Variants in BCL2A1 observed in about 807,000 individuals in gnomAD.
The protein encoded by BCL2A1 is BCL2 related protein A1.
Under a neutral mutation model 14.4 loss-of-function variants are expected in BCL2A1, and 10 were observed. The observed-to-expected ratio is 0.69, with a 90% CI of 0.43 to 1.18. The LOEUF is 1.18. BCL2A1 is among the 50% of genes most tolerant of loss of function. The pLI is 0.00. For missense variants in BCL2A1, 158 were observed against 205.0 expected (o/e 0.77, Z 1.40); for synonymous variants, 71 against 76.5 (o/e 0.93, Z 0.38).
chr15:79,967,315 C>G (rs555410477), intron 1 of BCL2A1, among the ~76,000 whole-genome samples: 1 of 147,142 alleles, frequency 6.8e-6, no homozygotes, highest in Admixed American at 7.0e-5. Flanking sequence ...CTCCCAGGTT[C>G]AAGTGATTCT....
chr15:79,968,417 G>C (rs1214573189), intron 1 of BCL2A1, among the ~76,000 whole-genome samples: 2 of 152,182 alleles, frequency 1.3e-5, no homozygotes, highest in Non-Finnish European at 2.9e-5. Flanking sequence ...GATTCGCCCA[G>C]CCTCAGTCAG....
rs147879852 is a variant in BCL2A1 at position 79,970,709 on chromosome 15, G to A, written c.411C>T (p.Asn137=). The A allele has an allele frequency of 2.9e-4, 469 of 1,599,756 alleles. No individual in the cohort carries two copies. The highest frequency in any genetic ancestry group is 5.0e-4 in the Middle Eastern group (3 of 6,036). The part of the protein sequence containing the change: ...MNNTGEWIRQ[N]GGWENGFVKK... Reference sequence around the variant, plus strand: ...TTTCCATCACACATACCCAGCCTCCGTTTTGCCTTATCCATTCTCCTGTGT... The same window carrying A: ...TTTCCATCACACATACCCAGCCTCCATTTTGCCTTATCCATTCTCCTGTGT... The change falls in exon 1 of 2, where the codon AAC becomes AAT. Residue 137 remains asparagine (N), a synonymous_variant. Coordinates refer to ENST00000267953, the MANE Select transcript of BCL2A1 (RefSeq NM_004049.4).
chr15:79,963,277 C>A (rs928689361), intron 1 of BCL2A1, among the ~76,000 whole-genome samples: 1 of 152,024 alleles, frequency 6.6e-6, no homozygotes, highest in East Asian at 1.9e-4. Context: ...CATGAGCCAC[C>A]GTGCCTAGCC....
intron 1 of BCL2A1, among the ~76,000 whole-genome samples, 162 bp from the exon 2 acceptor site, chr15:79,961,336 T>A (rs1487716040): frequency 6.6e-6 from 1 of 152,238 alleles, no homozygotes; most frequent in Non-Finnish European, 1.5e-5. Context: ...GTGACCTACG[T>A]CTGTAATTTA....
intron 1 of BCL2A1, among the ~76,000 whole-genome samples, chr15:79,965,503 T>G (rs1412170078): frequency 6.6e-6 from 1 of 151,512 alleles, no homozygotes; most frequent in Non-Finnish European, 1.5e-5. Context: ...AACCATGGAG[T>G]CTGGCAGGAG....
intron 1 of BCL2A1, among the ~76,000 whole-genome samples, chr15:79,962,871 C>T (rs1034878818): frequency 3.3e-5 from 5 of 151,566 alleles, no homozygotes; most frequent in Non-Finnish European, 7.4e-5. Context: ...TGACAACGAT[C>T]ATTGTCTATT....
rs147896355 is a variant in BCL2A1 at position 79,965,416 on chromosome 15, T to C, written c.421-4242A>G. ...TGCTGGGAATACAGACTTGAGCCAA[T>C]GCGCCCGGCCCCTCAAGTTTTAAAA... On this transcript the variant is annotated intron_variant, in intron 1 of 1. Transcript: ENST00000267953. Among the ~76,000 whole-genome samples, 1,412 of 152,278 alleles carry C rather than the reference T, an allele frequency of 9.3e-3. 128 individuals are homozygous for C. The East Asian group carries it at 0.23, about 24-fold the overall frequency.
intron 1 of BCL2A1, among the ~76,000 whole-genome samples, chr15:79,966,498 C>T (rs949376990): frequency 6.6e-6 from 1 of 152,154 alleles, no homozygotes; most frequent in Non-Finnish European, 1.5e-5. Flanking sequence ...TTTCTACTCC[C>T]CCAGCATATG....
rs766307327 is a variant in BCL2A1, at chr15:79,967,221, CT to C, written c.420+3478del. Among the ~76,000 whole-genome samples, 868 of 115,018 alleles carry C rather than the reference CT, an allele frequency of 7.5e-3. 4 individuals are homozygous for C. The highest frequency in any genetic ancestry group is 0.027 in the Middle Eastern group (6 of 226). 75.5% of individuals were successfully genotyped at this position (115,018 alleles called of 152,430 possible). ...ACATCTATGCTGTGCTCACATACCG[CT>C]TTTTTTTTTTTTTTTTTTTGAGATG... On this transcript the variant is annotated intron_variant, in intron 1 of 1. Transcript: ENST00000267953.
chr15:79,964,696 T>G, intron 1 of BCL2A1, among the ~76,000 whole-genome samples: 1 of 152,100 alleles, frequency 6.6e-6, no homozygotes, highest in South Asian at 2.1e-4. Context: ...GATAAGCAAG[T>G]AAATATGCAA....
intron 1 of BCL2A1, among the ~76,000 whole-genome samples, chr15:79,969,775 AGTATT>A (rs1408052272): frequency 6.6e-6 from 1 of 152,198 alleles, no homozygotes; most frequent in African/African-American, 2.4e-5. Flanking sequence ...TTTACAAAGA[AGTATT>A]GTTTATTTTC....
Position 79,961,076 on chromosome 15 carries a change from T to C in BCL2A1, c.519A>G (p.Gln173=). Residue 173 remains glutamine (Q), a synonymous_variant, in exon 2 of 2, where the codon CAA becomes CAG. Coordinates refer to ENST00000267953, the MANE Select transcript of BCL2A1 (RefSeq NM_004049.4). The part of the protein sequence containing the change: ...KICEMLSLLK[Q]YC ...GGAGTGTCCTTTCTGGTCAACAGTATTGCTTCAGGAGAGATAGCATTTCAC... is the reference window on the plus strand; with the variant it reads ...GGAGTGTCCTTTCTGGTCAACAGTACTGCTTCAGGAGAGATAGCATTTCAC... The C allele has an allele frequency of 3.1e-6, 5 of 1,614,066 alleles. No homozygotes were observed. The highest frequency in any genetic ancestry group is 4.2e-6 in the Non-Finnish European group (5 of 1,179,950).
In BCL2A1 at chr15:79,967,758, G is replaced by A. The variant is rs538129147; in HGVS notation, c.420+2942C>T. The stretch of plus-strand genomic sequence containing the variant: ...AGATTTGTCAACATCACTATGAAAA[G>A]ATGATAACAGTTTTCCATGCCAGTT... On this transcript the variant is annotated intron_variant, in intron 1 of 1. Coordinates refer to ENST00000267953, the MANE Select transcript of BCL2A1 (RefSeq NM_004049.4). 4.2e-5 allele frequency: 44 copies of A among 1,051,760 alleles called. No homozygotes were observed. In the African/African-American group the frequency reaches 6.1e-4, roughly 15 times the overall value. 65.2% of individuals were successfully genotyped at this position (1,051,760 alleles called of 1,614,324 possible). A position where few individuals can be genotyped will look rare whatever the true frequency, so the allele number is the denominator to read the frequency against.
At chr15:79,969,635 T>A (rs1190393035) in intron 1 of BCL2A1, among the ~76,000 whole-genome samples, 1 of 152,212 alleles carries the variant, frequency 6.6e-6, no homozygotes, top group Non-Finnish European at 1.5e-5. Flanking sequence ...AAAATTTATA[T>A]GTATACATAA....
chr15:79,961,157 C>A lies in BCL2A1; in HGVS notation c.438G>T (p.Lys146Asn), dbSNP rs1177237130. ...TCCAGCCAGATTTAGGTTCAAACTT[C>A]TTTACAAAGCCATTTTCCTATAAAA... The part of the protein sequence containing the change: ...QNGGWENGFV[K>N]KFEPKSGWMT... Residue 146 changes from lysine (K) to asparagine (N), a missense_variant, in exon 2 of 2, where the codon AAG becomes AAT. Physicochemically the swap from Lys to Asn is moderately conservative, Grantham distance 94 (BLOSUM62 0). Coordinates refer to ENST00000267953, the MANE Select transcript of BCL2A1 (RefSeq NM_004049.4). The A allele has an allele frequency of 6.2e-7, 1 of 1,613,642 alleles. No homozygotes were observed. Among genetic ancestry groups the A allele is most frequent in the Middle Eastern group, 1.6e-4 (1 of 6,062 alleles).
At position 79,970,824 on chromosome 15, in the gene BCL2A1, A is replaced by C; in HGVS notation, c.296T>G (p.Leu99Arg). Residue 99 changes from leucine (L) to arginine (R), a missense_variant, in exon 1 of 2, where the codon CTC becomes CGC. Transcript: ENST00000267953. ...IVTIFAFEGI[L>R]IKKLLRQQIA... ...TTGCTGTCGTAGAAGTTTCTTGATGAGAATACCTTCAAATGCAAATATGGT... is the reference window on the plus strand; with the variant it reads ...TTGCTGTCGTAGAAGTTTCTTGATGCGAATACCTTCAAATGCAAATATGGT... 1 of 1,614,238 alleles carries C rather than the reference A, an allele frequency of 6.2e-7. No homozygotes were observed. The highest frequency in any genetic ancestry group is 8.5e-7 in the Non-Finnish European group (1 of 1,180,044).
intron 1 of BCL2A1, among the ~76,000 whole-genome samples, chr15:79,968,160 T>A (rs1243592802): frequency 1.3e-5 from 2 of 152,226 alleles, no homozygotes; most frequent in African/African-American, 4.8e-5. Flanking sequence ...AGAAGTTAAA[T>A]TTTTAACTAA....
rs374413760 is a variant in BCL2A1 at position 79,970,997 on chromosome 15, C to G, written c.123G>C (p.Ala41=). The change falls in exon 1 of 2, where the codon GCG becomes GCC. Residue 41 remains alanine, a synonymous_variant. Coordinates refer to ENST00000267953, the MANE Select transcript of BCL2A1 (RefSeq NM_004049.4). Reference sequence around the variant, plus strand: ...TTTCCACTTCTTTTTGGACTGAGAACGCAACATTTTGTAGCACTCTGGACG... The same window carrying G: ...TTTCCACTTCTTTTTGGACTGAGAAGGCAACATTTTGTAGCACTCTGGACG... ...SKTSRVLQNV[A]FSVQKEVEKN... is the part of the protein sequence containing the mutation. 10 of 1,614,082 alleles carry G rather than the reference C, an allele frequency of 6.2e-6. No individual in the cohort carries two copies. In the African/African-American group the frequency reaches 1.2e-4, roughly 19 times the overall value.
chr15:79,970,403 C>G (rs1185938222), intron 1 of BCL2A1, among the ~76,000 whole-genome samples: 1 of 152,094 alleles, frequency 6.6e-6, no homozygotes, highest in Non-Finnish European at 1.5e-5. Flanking sequence ...GTGTGCACAG[C>G]TGATTGTGAA....
Sources: gnomAD v4.1 joint callset for allele counts (sites outside exome capture counted in the v4.1 genomes callset) on GRCh38, gnomAD v4.1.1 for gene constraint, MANE v1.5 for transcripts, NCBI Gene and HGNC (gene_info 2026-07-23, HGNC 2026-07-21) for gene names.